HEMK2: variants seen among roughly 807,000 people sequenced by gnomAD.
HEMK2 encodes methyltransferase HEMK2.
At chr21:28,831,568 AAAGAAAGAAAGAAG>A in the HEMK2 span, among the ~76,000 whole-genome samples, 5 of 72,610 alleles carry the variant, frequency 6.9e-5, no homozygotes, top group African/African-American at 1.8e-4. Flanking sequence ...GGAAAGAAGG[AAAGAAAGAAAGAAG>A]GAAAGAAGGA....
the HEMK2 span, among the ~76,000 whole-genome samples, chr21:28,644,840 T>C: frequency 2.0e-5 from 3 of 152,188 alleles, no homozygotes; most frequent in African/African-American, 4.8e-5. Flanking sequence ...TTCTCAGAAA[T>C]GTACAAATAC....
At chr21:28,664,550 A>G in the HEMK2 span, among the ~76,000 whole-genome samples, 1 of 152,164 alleles carries the variant, frequency 6.6e-6, no homozygotes. Flanking sequence ...TAAAATAGGG[A>G]TAGTGCAGAG....
chr21:28,652,938 A>AC, the HEMK2 span, among the ~76,000 whole-genome samples: 3 of 152,092 alleles, frequency 2.0e-5, no homozygotes, highest in Non-Finnish European at 1.5e-5. Flanking sequence ...GGAGTTACTG[A>AC]CCCTTTCTGT....
chr21:28,684,226 C>T, the HEMK2 span, among the ~76,000 whole-genome samples: 2 of 152,206 alleles, frequency 1.3e-5, no homozygotes, highest in Non-Finnish European at 2.9e-5. Context: ...CACTAAGTAA[C>T]TTCTCTGGCT....
At chr21:28,592,848 T>G in the HEMK2 span, among the ~76,000 whole-genome samples, 1 of 152,336 alleles carries the variant, frequency 6.6e-6, no homozygotes, top group Non-Finnish European at 1.5e-5. Flanking sequence ...TGTCGTATTT[T>G]TTATTGTTAA....
At chr21:28,841,091 A>G in the HEMK2 span, among the ~76,000 whole-genome samples, 1 of 44,620 alleles carries the variant, frequency 2.2e-5, no homozygotes, top group African/African-American at 2.3e-4. Flanking sequence ...TATATTATAT[A>G]TATTATATAT....
the HEMK2 span, among the ~76,000 whole-genome samples, chr21:28,702,165 T>C: frequency 6.6e-6 from 1 of 152,074 alleles, no homozygotes; most frequent in African/African-American, 2.4e-5. Flanking sequence ...CCTATTACCA[T>C]ATACAAAAAC....
chr21:28,623,492 C>T, the HEMK2 span, among the ~76,000 whole-genome samples: 1 of 152,100 alleles, frequency 6.6e-6, no homozygotes, highest in East Asian at 1.9e-4. Flanking sequence ...GGGTGTATAC[C>T]CAAAGGATTG....
At chr21:28,718,915 C>T in the HEMK2 span, among the ~76,000 whole-genome samples, 2 of 152,108 alleles carry the variant, frequency 1.3e-5, no homozygotes, top group African/African-American at 2.4e-5. Context: ...AATGATTGTG[C>T]ACAGCAAGCT....
the HEMK2 span, among the ~76,000 whole-genome samples, chr21:28,575,972 A>T: frequency 6.6e-6 from 1 of 152,160 alleles, no homozygotes; most frequent in African/African-American, 2.4e-5. Flanking sequence ...CACACCACAC[A>T]TTGTTTAATT....
the HEMK2 span, among the ~76,000 whole-genome samples, chr21:28,773,997 T>C: frequency 2.0e-5 from 3 of 152,144 alleles, no homozygotes; most frequent in Non-Finnish European, 4.4e-5. Flanking sequence ...GTTTTCCTTA[T>C]CATTTGCAAT....
the HEMK2 span, chr21:28,872,484 G>A: frequency 2.0e-5 from 3 of 152,372 alleles, no homozygotes; most frequent in South Asian, 6.2e-4. Context: ...ACCTAGGCAA[G>A]TCAGAGGCTC....
chr21:28,878,345 T>C, the HEMK2 span: 2 of 1,611,614 alleles, frequency 1.2e-6, no homozygotes, highest in Non-Finnish European at 1.7e-6. Flanking sequence ...TGTGAACAAT[T>C]AGAAAGAATG....
At chr21:28,699,478 T>A in the HEMK2 span, among the ~76,000 whole-genome samples, 2 of 152,218 alleles carry the variant, frequency 1.3e-5, no homozygotes, top group Non-Finnish European at 2.9e-5. Flanking sequence ...CAGCTGAGTT[T>A]GAATTATTTT....
At chr21:28,814,185 C>T in the HEMK2 span, among the ~76,000 whole-genome samples, 16 of 151,898 alleles carry the variant, frequency 1.1e-4, no homozygotes, top group African/African-American at 3.4e-4. Context: ...TGCAGTGAGC[C>T]GAGATCATGC....
the HEMK2 span, among the ~76,000 whole-genome samples, chr21:28,598,333 T>C: frequency 2.0e-5 from 3 of 152,326 alleles, no homozygotes; most frequent in African/African-American, 7.2e-5. Flanking sequence ...ATGAATGACA[T>C]GTTTTGCTTT....
chr21:28,667,864 G>C, the HEMK2 span, among the ~76,000 whole-genome samples: 1 of 152,152 alleles, frequency 6.6e-6, no homozygotes, highest in East Asian at 1.9e-4. Flanking sequence ...TCATAGAGTT[G>C]TTGGGAGTAT....
At chr21:28,593,688 A>G in the HEMK2 span, among the ~76,000 whole-genome samples, 1 of 152,228 alleles carries the variant, frequency 6.6e-6, no homozygotes, top group South Asian at 2.1e-4. Flanking sequence ...AAAAGCTCCC[A>G]ATGGCCAAAG....
At chr21:28,747,446 C>T in the HEMK2 span, among the ~76,000 whole-genome samples, 1 of 152,296 alleles carries the variant, frequency 6.6e-6, no homozygotes, top group African/African-American at 2.4e-5. Flanking sequence ...AAGCCAATGG[C>T]TAATGATGAA....
Sources: gnomAD v4.1 joint callset for allele counts (sites outside exome capture counted in the v4.1 genomes callset) on GRCh38, gnomAD v4.1.1 for gene constraint, MANE v1.5 for transcripts, NCBI Gene and HGNC (gene_info 2026-07-23, HGNC 2026-07-21) for gene names.